UBE3A: variants seen among roughly 807,000 people sequenced by gnomAD.
UBE3A encodes the protein ubiquitin-protein ligase E3A.
UBE3A carries 6 observed loss-of-function variants against 83.4 expected under a neutral mutation model. That is an observed-to-expected ratio of 0.07 (90% CI 0.04 to 0.14). The LOEUF is 0.14. Among genes scored for constraint, UBE3A ranks in the 10% least tolerant of loss-of-function variants. The probability of loss-of-function intolerance (pLI) is 1.00; values close to 1 mark genes in which losing one functional copy is unlikely to be tolerated. For missense variants in UBE3A, 456 were observed against 1,036.1 expected (o/e 0.44, Z 7.69); for synonymous variants, 337 against 355.4 (o/e 0.95, Z 0.58).
intron 1 of UBE3A, among the ~76,000 whole-genome samples, chr15:25,423,301 A>C (rs2153161810): frequency 6.6e-6 from 1 of 152,298 alleles, no homozygotes; most frequent in South Asian, 2.1e-4. Flanking sequence ...GAATCAAAAC[A>C]AGGTAAATGA....
intron 4 of UBE3A, among the ~76,000 whole-genome samples, chr15:25,386,899 G>GT (rs1401824044): frequency 6.6e-6 from 1 of 152,148 alleles, no homozygotes; most frequent in Non-Finnish European, 1.5e-5. Context: ...AAGGAAATTT[G>GT]TTGTCAGTAC....
chr15:25,400,827 C>T (rs552995672), intron 4 of UBE3A, among the ~76,000 whole-genome samples: 7 of 152,268 alleles, frequency 4.6e-5, no homozygotes, highest in South Asian at 2.1e-4. Context: ...CAAGGACTTC[C>T]GGTACTGTGC....
Position 25,370,464 on chromosome 15 carries a change from T to C in UBE3A, c.1608+102A>G, listed in dbSNP as rs141945138. 3.5e-4 allele frequency: 473 copies of C among 1,356,444 alleles called. No homozygotes were observed. In the African/African-American group the frequency reaches 5.9e-3, roughly 17 times the overall value. The allele number at this position is 1,356,444 out of a possible 1,614,324, so 84.0% of individuals were successfully genotyped here. A position where few individuals can be genotyped will look rare whatever the true frequency, so the allele number is the denominator to read the frequency against. On this transcript the variant is annotated intron_variant, in intron 6 of 12. Coordinates refer to ENST00000648336, the MANE Select transcript of UBE3A (RefSeq NM_130839.5). The surrounding 1 kb of genome is among the most constrained non-coding windows in gnomAD (Gnocchi z 4.2). ...GATCAGAAATGTCCATGTGTTCCTA[T>C]GCTATATGGTATCATTTTTTTCAGT...
At chr15:25,339,677 T>G (rs1019989723) in intron 12 of UBE3A, 1 of 311,636 alleles carries the variant, frequency 3.2e-6, no homozygotes, top group Non-Finnish European at 6.1e-6. Context: ...TGTGTGCTCT[T>G]AAATGCTTAT....
intron 6 of UBE3A, among the ~76,000 whole-genome samples, chr15:25,366,692 T>G (rs1290873288): frequency 6.6e-6 from 1 of 152,170 alleles, no homozygotes; most frequent in Non-Finnish European, 1.5e-5. Flanking sequence ...CTTAAAAATC[T>G]GAGTTTCCAA....
chr15:25,359,460 T>TGTGA (rs1414775318), intron 7 of UBE3A, among the ~76,000 whole-genome samples: 3 of 145,574 alleles, frequency 2.1e-5, no homozygotes, highest in Non-Finnish European at 4.5e-5. Flanking sequence ...TGTGTGTGTG[T>TGTGA]GTGACTAAGA....
intron 7 of UBE3A, among the ~76,000 whole-genome samples, chr15:25,358,784 A>G (rs996129246): frequency 3.3e-5 from 5 of 152,230 alleles, no homozygotes; most frequent in Admixed American, 6.5e-5. Context: ...TTTGAAAATT[A>G]AACAATTCAT....
intron 1 of UBE3A, among the ~76,000 whole-genome samples, chr15:25,432,207 T>A (rs1893681443): frequency 6.6e-6 from 1 of 152,186 alleles, no homozygotes; most frequent in African/African-American, 2.4e-5. Context: ...AGTGACAAAA[T>A]GTGACATATG....
chr15:25,407,022 C>G (rs770094500), intron 3 of UBE3A: 25 of 1,291,614 alleles, frequency 1.9e-5, no homozygotes, highest in Non-Finnish European at 2.4e-5. Context: ...AAATTTCACT[C>G]CACCCTCTCC....
chr15:25,358,606 C>T (rs1557832), intron 7 of UBE3A, among the ~76,000 whole-genome samples: 58,066 of 151,758 alleles, frequency 0.38, 14,795 homozygotes, highest in African/African-American at 0.73. Context: ...GCTTAGAAAT[C>T]AGAAATCAAA....
chr15:25,347,908 A>AAATT (rs1188595607), intron 11 of UBE3A, among the ~76,000 whole-genome samples: 2 of 152,334 alleles, frequency 1.3e-5, no homozygotes, highest in African/African-American at 4.8e-5. Context: ...CTAAATAAAA[A>AAATT]AATTAAAAGG....
In UBE3A at chr15:25,438,838, G is replaced by A. The variant is rs892782474; in HGVS notation, c.-514C>T. 1.8e-4 allele frequency: 27 copies of A among 152,882 alleles called. No individual in the cohort carries two copies. 9.5% of individuals were successfully genotyped at this position (152,882 alleles called of 1,614,324 possible). The stretch of plus-strand genomic sequence containing the variant: ...GGCAGAGGTGAAGCGTAAGTAGGCG[G>A]CGGATGGCGGGCGCCCGCGCTGGCG... On this transcript the variant is annotated 5_prime_UTR_variant, in exon 1 of 13. Coordinates refer to ENST00000648336, the MANE Select transcript of UBE3A (RefSeq NM_130839.5).
chr15:25,356,582 A>G (rs2077244134), intron 8 of UBE3A, 109 bp downstream of exon 8: 1 of 1,034,736 alleles, frequency 9.7e-7, no homozygotes. Flanking sequence ...TATTGATAAG[A>G]GTATCAACAA....
chr15:25,398,790 T>TATATATATATATAG (rs2086286143), intron 4 of UBE3A, among the ~76,000 whole-genome samples: 1 of 66,016 alleles, frequency 1.5e-5, no homozygotes, highest in Non-Finnish European at 2.9e-5. Context: ...TATATATATA[T>TATATATATATATAG]ATATATATAT....
chr15:25,368,468 T>C (rs541614652), intron 6 of UBE3A, among the ~76,000 whole-genome samples: 2 of 152,250 alleles, frequency 1.3e-5, no homozygotes, highest in South Asian at 4.1e-4. Context: ...TCAGAGCCCC[T>C]AAGGAAGCTT....
At chr15:25,416,616 T>G (rs979940806) in intron 1 of UBE3A, among the ~76,000 whole-genome samples, 27 of 149,676 alleles carry the variant, frequency 1.8e-4, no homozygotes, top group South Asian at 4.2e-4. Flanking sequence ...AGCTATACAC[T>G]TAGAAGTGTA....
At chr15:25,376,589 C>G (rs1308483806) in intron 4 of UBE3A, among the ~76,000 whole-genome samples, 1 of 152,074 alleles carries the variant, frequency 6.6e-6, no homozygotes, top group East Asian at 1.9e-4. Flanking sequence ...CTGCCATAAG[C>G]TGAAATTGCA....
chr15:25,380,125 G>A (rs563243945), intron 4 of UBE3A, among the ~76,000 whole-genome samples: 37 of 152,144 alleles, frequency 2.4e-4, no homozygotes, highest in African/African-American at 8.9e-4. Context: ...AGGGGTTTCC[G>A]CTTTTGCATC....
chr15:25,411,568 C>T (rs1596315276), intron 2 of UBE3A, among the ~76,000 whole-genome samples: 1 of 152,168 alleles, frequency 6.6e-6, no homozygotes, highest in East Asian at 1.9e-4. Flanking sequence ...CCAGCCTGGG[C>T]AACAGAGCAA....
Sources: allele counts gnomAD v4.1 joint callset (sites outside exome capture counted in the v4.1 genomes callset), GRCh38; gene constraint gnomAD v4.1.1; non-coding constraint Gnocchi (gnomAD v3.1); transcripts MANE v1.5; gene names NCBI Gene and HGNC (gene_info 2026-07-23, HGNC 2026-07-21).